Variants in FHIT observed in about 807,000 individuals in gnomAD.
FHIT encodes the protein bis(5'-adenosyl)-triphosphatase.
In FHIT, 19 loss-of-function variants were observed where a neutral mutation model predicts 17.9. The observed-to-expected ratio is 1.06, with a 90% confidence interval of 0.74 to 1.56. FHIT has a LOEUF of 1.56. Among genes scored for constraint, FHIT ranks in the 40% most tolerant of loss-of-function variants. The probability of loss-of-function intolerance (pLI) is 0.00; values close to 1 mark genes in which losing one functional copy is unlikely to be tolerated. For synonymous variants in FHIT, 81 were observed against 69.7 expected, an observed-to-expected ratio of 1.16 and a Z score of -0.81; for missense variants, 248 against 189.2, an observed-to-expected ratio of 1.31 and a Z score of -1.82.
At chr3:61,213,496 A>G (rs963350157) in intron 1 of FHIT, among the ~76,000 whole-genome samples, 14 of 152,240 alleles carry the variant, frequency 9.2e-5, no homozygotes, top group African/African-American at 3.4e-4. Flanking sequence ...GAGCACCCAG[A>G]TTCATAAAGC....
chr3:61,131,365 C>T (rs959048164), intron 2 of FHIT, among the ~76,000 whole-genome samples: 1 of 152,172 alleles, frequency 6.6e-6, no homozygotes, highest in African/African-American at 2.4e-5. Flanking sequence ...GGAACAAAGT[C>T]AAATTGGCAA....
chr3:60,330,202 G>A (rs1223162053), intron 5 of FHIT, among the ~76,000 whole-genome samples: 2 of 152,176 alleles, frequency 1.3e-5, no homozygotes, highest in Non-Finnish European at 2.9e-5. Context: ...CAGACTGACA[G>A]AGCAAGTATT....
chr3:60,941,668 C>A (rs59702782), intron 3 of FHIT, among the ~76,000 whole-genome samples: 6,566 of 152,212 alleles, frequency 0.043, 498 homozygotes, highest in African/African-American at 0.15. Context: ...GAATTTAATG[C>A]GTTTAGCTCA....
chr3:60,990,566 G>C (rs2030107109), intron 3 of FHIT, among the ~76,000 whole-genome samples: 1 of 152,182 alleles, frequency 6.6e-6, no homozygotes. Flanking sequence ...ACAGGAAACA[G>C]TGTCCCCATT....
intron 7 of FHIT, among the ~76,000 whole-genome samples, chr3:59,941,770 G>C (rs1243221835): frequency 1.3e-5 from 2 of 152,242 alleles, no homozygotes; most frequent in South Asian, 2.1e-4. Flanking sequence ...CCACTACGAG[G>C]TCCTCTGAGG....
At chr3:60,403,573 G>A (rs2734363) in intron 5 of FHIT, among the ~76,000 whole-genome samples, 88,448 of 151,924 alleles carry the variant, frequency 0.58, 26,068 homozygotes, top group Non-Finnish European at 0.64. Context: ...AACTGGCCAT[G>A]AAGAAACTAT....
chr3:59,929,070 T>C (rs571350946), intron 7 of FHIT, among the ~76,000 whole-genome samples: 3 of 150,628 alleles, frequency 2.0e-5, no homozygotes, highest in African/African-American at 7.3e-5. Context: ...TTGGAACCCT[T>C]GTACAAGCTG....
intron 2 of FHIT, among the ~76,000 whole-genome samples, chr3:61,192,386 C>T (rs1028290054): frequency 2.6e-5 from 4 of 152,196 alleles, no homozygotes; most frequent in African/African-American, 7.2e-5. Context: ...AAAATCCTCT[C>T]CCTGCTACAC....
At chr3:59,814,101 G>A (rs1700511257) in intron 8 of FHIT, among the ~76,000 whole-genome samples, 1 of 151,112 alleles carries the variant, frequency 6.6e-6, no homozygotes, top group Non-Finnish European at 1.5e-5. Context: ...TCAGGGAGGA[G>A]AAAGCCTGCT....
intron 4 of FHIT, among the ~76,000 whole-genome samples, chr3:60,682,845 G>A (rs1194979916): frequency 6.6e-6 from 1 of 152,142 alleles, no homozygotes; most frequent in Non-Finnish European, 1.5e-5. Context: ...AAACCTTCTG[G>A]AAAGGATTCA....
chr3:60,335,320 A>G (rs1250255546), intron 5 of FHIT, among the ~76,000 whole-genome samples: 1 of 152,214 alleles, frequency 6.6e-6, no homozygotes, highest in African/African-American at 2.4e-5. Context: ...AAAAATTTTA[A>G]GCAGTAAGTA....
At chr3:61,169,521 A>G (rs1472773932) in intron 2 of FHIT, among the ~76,000 whole-genome samples, 1 of 152,232 alleles carries the variant, frequency 6.6e-6, no homozygotes, top group Admixed American at 6.5e-5. Flanking sequence ...TTCAAAATCT[A>G]TCTTTAAAAA....
chr3:60,692,220 C>T lies in FHIT; in HGVS notation c.-18+129699G>A, dbSNP rs148703537. Among the ~76,000 whole-genome samples, 6 of 152,266 alleles carry T rather than the reference C, an allele frequency of 3.9e-5. No individual in the cohort carries two copies. In the East Asian group the frequency reaches 1.2e-3, roughly 29 times the overall value. On this transcript the variant is annotated intron_variant, in intron 4 of 9. Transcript: ENST00000492590. ...TCGTAGTTTCAGCATAGATATAGTG[C>T]TTTAACTGTGACAGATCCTGACAAA...
At chr3:60,969,316 T>A (rs1709896694) in intron 3 of FHIT, among the ~76,000 whole-genome samples, 1 of 152,172 alleles carries the variant, frequency 6.6e-6, no homozygotes, top group Non-Finnish European at 1.5e-5. Context: ...ATCTTACTAA[T>A]ATCTTTTTTA....
chr3:60,259,811 T>G (rs1336763819), intron 5 of FHIT, among the ~76,000 whole-genome samples: 1 of 151,994 alleles, frequency 6.6e-6, no homozygotes, highest in Non-Finnish European at 1.5e-5. Context: ...CAATATAAAT[T>G]GGAATCCAGA....
chr3:60,247,432 A>G (rs1475505906), intron 5 of FHIT, among the ~76,000 whole-genome samples: 1 of 152,042 alleles, frequency 6.6e-6, no homozygotes, highest in African/African-American at 2.4e-5. Context: ...GATGATGAAG[A>G]TGAAGATGAA....
chr3:60,151,814 T>C (rs553118851), intron 5 of FHIT, among the ~76,000 whole-genome samples: 1 of 152,298 alleles, frequency 6.6e-6, no homozygotes, highest in Admixed American at 6.5e-5. Flanking sequence ...AAAAAGTTTT[T>C]CCTAGACCTC....
At chr3:60,050,158 T>A (rs891042676) in intron 5 of FHIT, among the ~76,000 whole-genome samples, 1 of 152,226 alleles carries the variant, frequency 6.6e-6, no homozygotes, top group South Asian at 2.1e-4. Context: ...TAAAAAGATA[T>A]ATTCCCAGTA....
intron 2 of FHIT, among the ~76,000 whole-genome samples, chr3:61,077,783 T>G (rs2035016128): frequency 6.6e-6 from 1 of 152,142 alleles, no homozygotes; most frequent in Non-Finnish European, 1.5e-5. Context: ...CCACCATCAC[T>G]GGCTTCCATG....
Sources: gnomAD v4.1 joint callset for allele counts (sites outside exome capture counted in the v4.1 genomes callset) on GRCh38, gnomAD v4.1.1 for gene constraint, MANE v1.5 for transcripts, NCBI Gene and HGNC (gene_info 2026-07-23, HGNC 2026-07-21) for gene names.